The following CALD1 variants were observed in gnomAD, a reference collection of about 807,000 sequenced individuals.
CALD1 encodes caldesmon.
A neutral mutation model predicts 99.9 loss-of-function variants in CALD1; 33 were observed. The observed-to-expected ratio is 0.33, with a 90% CI of 0.25 to 0.44. CALD1 has a LOEUF of 0.44. CALD1 is among the 20% of genes least tolerant of loss of function. CALD1 has a pLI of 1.00. For synonymous variants in CALD1, 310 were observed against 325.0 expected (o/e 0.95, Z 0.50); for missense variants, 861 against 962.1 (o/e 0.89, Z 1.39).
intron 3 of CALD1, among the ~76,000 whole-genome samples, chr7:134,876,037 A>G (rs570796784): frequency 8.0e-4 from 122 of 152,330 alleles, no homozygotes; most frequent in African/African-American, 2.9e-3. Context: ...GACCTTATGA[A>G]TCATCTTCCG....
At chr7:134,735,107 G>T in the CALD1 span, 1 of 170,504 alleles carries the variant, frequency 5.9e-6, no homozygotes, top group East Asian at 1.5e-4. Flanking sequence ...TGTTGCTGAT[G>T]AAGGTGGCGC....
At chr7:134,965,931 C>A (rs1378857684) in intron 14 of CALD1, among the ~76,000 whole-genome samples, 1 of 151,834 alleles carries the variant, frequency 6.6e-6, no homozygotes, top group African/African-American at 2.4e-5. Context: ...TACTTTTAGT[C>A]TTCTGGTCAA....
rs373719117 is a variant in CALD1 at position 134,868,110 on chromosome 7, G to T, written c.71+306G>T. On this transcript the variant is annotated intron_variant, in intron 3 of 14. Transcript: ENST00000361675. ...TGACAAAAGTAATGTGTGAATGAAG[G>T]TTTAAAAAGCTTATATAATAAGAAA... 1.3e-4 allele frequency: 23 copies of T among 172,922 alleles called. No homozygotes were observed. In the East Asian group the frequency reaches 2.2e-3, roughly 16 times the overall value. 10.7% of individuals were successfully genotyped at this position (172,922 alleles called of 1,614,324 possible).
At chr7:134,953,704 A>G (rs1807554361) in intron 9 of CALD1, among the ~76,000 whole-genome samples, 1 of 127,010 alleles carries the variant, frequency 7.9e-6, no homozygotes, top group Admixed American at 9.2e-5. Context: ...AACCTACCCT[A>G]CCCTCCTCTA....
chr7:134,968,651 T>G lies in CALD1; in HGVS notation c.*306T>G. 1.7e-6 allele frequency: 1 copy of G among 594,084 alleles called. No individual in the cohort carries two copies. The highest frequency in any genetic ancestry group is 3.2e-6 in the Non-Finnish European group (1 of 316,666). 36.8% of individuals were successfully genotyped at this position (594,084 alleles called of 1,614,324 possible). A position where few individuals can be genotyped will look rare whatever the true frequency, so the allele number is the denominator to read the frequency against. On this transcript the variant is annotated 3_prime_UTR_variant, in exon 15 of 15. Transcript: ENST00000361675. ...GCAGTGATACCAACCACATCTGAAG[T>G]CAACAGAAGATCCAAGTTTAAAATT...
At chr7:134,897,926 C>G (rs1030244156) in intron 3 of CALD1, among the ~76,000 whole-genome samples, 1 of 151,912 alleles carries the variant, frequency 6.6e-6, no homozygotes, top group Non-Finnish European at 1.5e-5. Context: ...CCATGCTGGT[C>G]TCAAACTCCT....
chr7:134,872,357 C>CAAAAAAAAAAAAAAAAAAAAAAAAAAAAA (rs35569742), intron 3 of CALD1, among the ~76,000 whole-genome samples: 1 of 100,406 alleles, frequency 1.0e-5, no homozygotes, highest in African/African-American at 3.1e-5. Flanking sequence ...GACTCGGTCT[C>CAAAAAAAAAAAAAAAAAAAAAAAAAAAAA]AAAAAAAAAA....
intron 9 of CALD1, among the ~76,000 whole-genome samples, chr7:134,955,431 G>A (rs1339449836): frequency 2.6e-5 from 4 of 152,114 alleles, no homozygotes; most frequent in Admixed American, 6.6e-5. Flanking sequence ...GCTTGCTTAG[G>A]TTGCCATAAC....
chr7:134,818,510 G>A lies in CALD1; in HGVS notation c.-129-25374G>A, dbSNP rs547536281. 4.6e-5 allele frequency among the ~76,000 whole-genome samples: 7 copies of A among 152,278 alleles called. No individual in the cohort carries two copies. The South Asian group carries it at 1.2e-3, about 27-fold the overall frequency. On this transcript the variant is annotated intron_variant, in intron 1 of 14. Transcript: ENST00000361675. Reference sequence around the variant, plus strand: ...CAGTGTTTATTCGGCGGAGGTTTATGTCAATTATTTAATCAGAAGCAGGCC... The same window carrying A: ...CAGTGTTTATTCGGCGGAGGTTTATATCAATTATTTAATCAGAAGCAGGCC...
At chr7:134,866,058 C>T (rs1800788941) in intron 2 of CALD1, among the ~76,000 whole-genome samples, 1 of 152,180 alleles carries the variant, frequency 6.6e-6, no homozygotes, top group Admixed American at 6.5e-5. Flanking sequence ...TCCCACTGCA[C>T]CTGGCATTCG....
chr7:134,793,054 C>T (rs1797604843), intron 1 of CALD1, among the ~76,000 whole-genome samples: 1 of 152,232 alleles, frequency 6.6e-6, no homozygotes, highest in South Asian at 2.1e-4. Context: ...ACCACGGCGG[C>T]AGACCATCTG....
At chr7:134,962,795 AAAC>A (rs1014617692) in intron 13 of CALD1, 174 of 449,074 alleles carry the variant, frequency 3.9e-4, no homozygotes, top group African/African-American at 2.8e-3. Flanking sequence ...GTTTAAAAAA[AAAC>A]AACCAACAAT....
chr7:134,861,220 A>G lies in CALD1; in HGVS notation c.-41-6473A>G, dbSNP rs189660162. Among the ~76,000 whole-genome samples, 33 of 150,528 alleles carry G rather than the reference A, an allele frequency of 2.2e-4. No individual in the cohort carries two copies. In the East Asian group the frequency reaches 6.2e-3, roughly 28 times the overall value. ...ACCAGCTCACTTTATAGAGAAACAAAGCTCATAGAGCTTCAGTCTCAGTCT... is the reference window on the plus strand; with the variant it reads ...ACCAGCTCACTTTATAGAGAAACAAGGCTCATAGAGCTTCAGTCTCAGTCT... On this transcript the variant is annotated intron_variant, in intron 2 of 14. Transcript: ENST00000361675.
intron 3 of CALD1, among the ~76,000 whole-genome samples, chr7:134,902,209 G>A (rs10282037): frequency 0.044 from 6,680 of 152,114 alleles, 492 homozygotes; most frequent in African/African-American, 0.15. Flanking sequence ...AGACTCAAGC[G>A]TAGGCAGGGA....
At chr7:134,800,292 G>A (rs1384116973) in intron 1 of CALD1, among the ~76,000 whole-genome samples, 1 of 152,040 alleles carries the variant, frequency 6.6e-6, no homozygotes, top group East Asian at 1.9e-4. Flanking sequence ...TTTCAATTTA[G>A]TTTAAATGTA....
At chr7:134,866,234 A>G (rs75783036) in intron 2 of CALD1, among the ~76,000 whole-genome samples, 1 of 152,176 alleles carries the variant, frequency 6.6e-6, no homozygotes, top group African/African-American at 2.4e-5. Context: ...ACTAGATTGG[A>G]AAGTGTAGAA....
chr7:134,820,886 T>C (rs923102369), intron 1 of CALD1, among the ~76,000 whole-genome samples: 7 of 152,082 alleles, frequency 4.6e-5, no homozygotes, highest in Non-Finnish European at 1.0e-4. Flanking sequence ...ATATAACATA[T>C]GGACAAAGGG....
intron 1 of CALD1, among the ~76,000 whole-genome samples, chr7:134,827,513 A>G (rs558992523): frequency 6.6e-6 from 1 of 152,332 alleles, no homozygotes; most frequent in Admixed American, 6.5e-5. Flanking sequence ...AATGGAGCAA[A>G]TAAACAATTT....
At chr7:134,836,336 C>T (rs189767793) in intron 1 of CALD1, among the ~76,000 whole-genome samples, 24 of 152,034 alleles carry the variant, frequency 1.6e-4, no homozygotes, top group African/African-American at 5.8e-4. Context: ...AAGACTGCAT[C>T]CATTGGAAAA....
Sources: allele counts gnomAD v4.1 joint callset (sites outside exome capture counted in the v4.1 genomes callset), GRCh38; gene constraint gnomAD v4.1.1; transcripts MANE v1.5; gene names NCBI Gene and HGNC (gene_info 2026-07-23, HGNC 2026-07-21).